Variants in ABCA2 observed in about 807,000 individuals in gnomAD.
The protein encoded by ABCA2 is ATP binding cassette subfamily A member 2, also known as ATP-binding cassette sub-family A member 2.
In ABCA2, 84 loss-of-function variants were observed where a neutral mutation model predicts 262.8. The ratio of observed to expected loss-of-function variants is 0.32; its 90% CI spans 0.27 to 0.38. The LOEUF (loss-of-function observed/expected upper bound fraction) is 0.38, where lower values mean the gene tolerates loss of function less well. ABCA2 is among the 10% of genes least tolerant of loss of function. ABCA2 has a pLI of 1.00. For synonymous variants in ABCA2, 1,696 were observed against 1,502.9 expected (o/e 1.13, Z -2.97); for missense variants, 2,662 against 3,405.9 (o/e 0.78, Z 5.44).
intron 43 of ABCA2, 30 bp from the exon 44 acceptor site, chr9:137,009,674 C>T (rs757797288): frequency 1.2e-6 from 2 of 1,612,394 alleles, no homozygotes; most frequent in South Asian, 2.2e-5. Flanking sequence ...TCAGCTGCTG[C>T]CAGGCCCACA....
intron 41 of ABCA2, 22 bp downstream of exon 41, chr9:137,010,171 C>A: frequency 6.3e-7 from 1 of 1,595,238 alleles, no homozygotes. Flanking sequence ...GCGGCCCCGC[C>A]CACCCAGGGC....
rs143473036 is a variant in ABCA2, at chr9:137,020,766, G to A, written c.1193C>T (p.Thr398Met). The A allele has an allele frequency of 3.3e-5, 52 of 1,596,664 alleles. No individual in the cohort carries two copies. The highest frequency in any genetic ancestry group is 3.0e-4 in the Admixed American group (18 of 59,018). The change falls in exon 9 of 49, where the codon ACG becomes ATG. Residue 398 changes from threonine to methionine, a missense_variant. Transcript: ENST00000341511. ...PSAAALATPD[T>M]LQGQCSAFVQ... ...GAAGGCTGAGCACTGGCCCTGCAGC[G>A]TGTCCGGGGTGGCCAGTGCTGCAGC...
Position 137,025,752 on chromosome 9 carries a change from A to G in ABCA2, c.67-1516T>C, listed in dbSNP as rs547206217. On this transcript the variant is annotated intron_variant, in intron 1 of 48. Transcript: ENST00000341511. ...CAGCCCCGCCCACACCCGGCCTGCT[A>G]TGGGCACTGTAACTGCAGCAACAGG... 9.8e-5 allele frequency among the ~76,000 whole-genome samples: 15 copies of G among 152,334 alleles called. No individual in the cohort carries two copies. The South Asian group carries it at 3.1e-3, about 32-fold the overall frequency.
intron 1 of ABCA2, among the ~76,000 whole-genome samples, chr9:137,027,108 C>T (rs1425088037): frequency 6.6e-6 from 1 of 152,238 alleles, no homozygotes; most frequent in African/African-American, 2.4e-5. Flanking sequence ...AAGAGGATGT[C>T]TGCCTTAGGC....
In ABCA2 at chr9:137,008,806, C is replaced by A. The variant is rs774493213; in HGVS notation, c.6993G>T (p.Val2331=). Residue 2331 remains valine (V), a synonymous_variant, in exon 47 of 49, where the codon GTG becomes GTT. Transcript: ENST00000341511. The stretch of plus-strand genomic sequence containing the variant: ...CAGACACCTGCTCCATCTTGCTGAA[C>A]ACCTGGGCCAGCGAGATGTGCTCCG... ...LKSEHISLAQ[V]FSKMEQVSGV... 3 of 1,604,820 alleles carry A rather than the reference C, an allele frequency of 1.9e-6. No individual in the cohort carries two copies. In the Admixed American group the frequency reaches 5.0e-5, roughly 27 times the overall value.
rs1197689078 is a variant in ABCA2, at chr9:137,011,675, G to A, written c.5610C>T (p.Pro1870=). 8.4e-6 allele frequency: 13 copies of A among 1,555,282 alleles called. No homozygotes were observed. In the Admixed American group the frequency reaches 2.3e-4, roughly 28 times the overall value. The change falls in exon 36 of 49, where the codon CCC becomes CCT. Residue 1870 remains proline (P), a synonymous_variant. Transcript: ENST00000341511. The surrounding 1 kb of genome is among the most constrained non-coding windows in gnomAD (Gnocchi z 8.8). The part of the protein sequence containing the change: ...FVFDLPAYTS[P]TNFPAVLSLF... ...GGGAGAGGACGGCAGGGAAGTTGGT[G>A]GGCGACGTGTAGGCCGGCAGGTCGA...
intron 27 of ABCA2, 48 bp downstream of exon 27, chr9:137,014,120 C>T: frequency 6.3e-7 from 1 of 1,592,104 alleles, no homozygotes; most frequent in Non-Finnish European, 8.5e-7. Flanking sequence ...TCCCCCGCAA[C>T]CCTGCTCCCC....
In ABCA2 at chr9:137,010,087, C is replaced by T. The variant is rs991942934; in HGVS notation, c.6391G>A (p.Gly2131Ser). 2.5e-6 allele frequency: 4 copies of T among 1,598,314 alleles called. No individual in the cohort carries two copies. In the Admixed American group the frequency reaches 6.7e-5, roughly 27 times the overall value. ...KELLQVQQSL[G>S]YCPQCDALFD... ...AGCGCGTCACACTGCGGGCAGTAGC[C>T]GAGGCTCTGCTGCACCTGGAGCAGC... Residue 2131 changes from glycine (G) to serine (S), a missense_variant, in exon 42 of 49, where the codon GGC becomes AGC. Coordinates refer to ENST00000341511, the MANE Select transcript of ABCA2 (RefSeq NM_001606.5).
chr9:137,027,239 C>G (rs1233742456), intron 1 of ABCA2, among the ~76,000 whole-genome samples: 1 of 152,236 alleles, frequency 6.6e-6, no homozygotes, highest in Non-Finnish European at 1.5e-5. Flanking sequence ...AGCTGGCCAG[C>G]TGGGGGTATG....
Position 137,012,296 on chromosome 9 carries a change from C to T in ABCA2, c.5268G>A (p.Leu1756=). Residue 1756 remains leucine (L), a synonymous_variant, in exon 33 of 49, where the codon CTG becomes CTA. Coordinates refer to ENST00000341511, the MANE Select transcript of ABCA2 (RefSeq NM_001606.5). ...SLNNAILRAN[L]PKSKGNPAAY... The stretch of plus-strand genomic sequence containing the variant: ...CCGCCGGGTTGCCCTTGCTCTTGGG[C>T]AGGTTGGCACGCAGGATGGCGTTGT... 7.1e-7 allele frequency: 1 copy of T among 1,411,024 alleles called. No homozygotes were observed. 87.4% of individuals were successfully genotyped at this position (1,411,024 alleles called of 1,614,324 possible).
At chr9:137,018,409 G>T in intron 13 of ABCA2, 58 bp from the exon 14 acceptor site, 1 of 1,303,132 alleles carries the variant, frequency 7.7e-7, no homozygotes, top group Non-Finnish European at 1.0e-6. Flanking sequence ...AGGCGTGGTG[G>T]GGGGGAAAGC....
rs771663493 is a variant in ABCA2, at chr9:137,021,413, G to A, written c.876C>T (p.Asp292=). Residue 292 remains aspartate (D), a synonymous_variant, in exon 8 of 49, where the codon GAC becomes GAT. Coordinates refer to ENST00000341511, the MANE Select transcript of ABCA2 (RefSeq NM_001606.5). This position sits in a 1 kb window ranked among gnomAD's most constrained non-coding sequence, Gnocchi z 6.0. ...GLSAELRNQL[D]VAKVSQQLGL... is the part of the protein sequence containing the mutation. ...TCACCTGCTGGGAGACCTTGGCCAC[G>A]TCCAGCTGGTTCCGGAGCTCAGCAG... The A allele has an allele frequency of 3.5e-5, 57 of 1,609,170 alleles. No homozygotes were observed. Among genetic ancestry groups the A allele is most frequent in the African/African-American group, 5.3e-5 (4 of 74,876 alleles).
At position 137,017,921 on chromosome 9, in the gene ABCA2, A is replaced by C; in HGVS notation, c.2097-20T>G. The C allele has an allele frequency of 6.2e-7, 1 of 1,612,212 alleles. No individual in the cohort carries two copies. Among genetic ancestry groups the C allele is most frequent in the Non-Finnish European group, 8.5e-7 (1 of 1,179,702 alleles). On this transcript the variant is annotated intron_variant, in intron 15 of 48. Transcript: ENST00000341511. ...AGGAAGCTGCGGGGAGGCCGCGCTC[A>C]GGCGCCACTCAGCCCCAGCCCCAGC...
intron 1 of ABCA2, 130 bp from the exon 2 acceptor site, chr9:137,024,366 G>C: frequency 1.4e-6 from 1 of 719,030 alleles, no homozygotes; most frequent in Non-Finnish European, 2.3e-6. Context: ...GTGGGCACAG[G>C]CCCTTCGGAA....
Position 137,016,645 on chromosome 9 carries a change from G to T in ABCA2, c.2852C>A (p.Pro951Gln). The change falls in exon 20 of 49, where the codon CCG (proline) becomes CAG (glutamine). Residue 951 changes from proline (P) to glutamine (Q), a missense_variant. Physicochemically the swap from Pro to Gln is moderately conservative, Grantham distance 76. Transcript: ENST00000341511. ...GRTEAWEWSW[P>Q]WARTPRLSVM... ...ACTGAGGCGGGGGGTGCGTGCCCAC[G>T]GCCAGCTCCACTCCCAGGCTTCTGT... The T allele has an allele frequency of 6.2e-7, 1 of 1,608,964 alleles. No homozygotes were observed.
At chr9:137,009,329 C>CCGGG in intron 45 of ABCA2, 41 bp downstream of exon 45, 25 of 1,049,746 alleles carry the variant, frequency 2.4e-5, no homozygotes, top group Non-Finnish European at 3.2e-5. Flanking sequence ...CCGCCCCCCC[C>CCGGG]GGGCCCGCCC....
rs774012559 is a variant in ABCA2, at chr9:137,017,535, AG to A, written c.2368del (p.Leu790TrpfsTer35). 2 of 1,610,972 alleles carry A rather than the reference AG, an allele frequency of 1.2e-6. No homozygotes were observed. Among genetic ancestry groups the A allele is most frequent in the Non-Finnish European group, 1.7e-6 (2 of 1,178,438 alleles). On this transcript the variant is annotated frameshift_variant, in exon 17 of 49. Coordinates refer to ENST00000341511, the MANE Select transcript of ABCA2 (RefSeq NM_001606.5). LOFTEE classifies it high-confidence loss of function. ...HSHVVIIWLF[L>X]AVYAVATIMF... ...GATGGTGGCCACCGCGTAGACTGCC[AG>A]GAAGAGCCAGATGATGACCACGTGG...
rs760599425 is a variant in ABCA2, at chr9:137,020,330, G to A, written c.1425+6C>T. The A allele has an allele frequency of 1.2e-5, 19 of 1,611,764 alleles. No homozygotes were observed. Among genetic ancestry groups the A allele is most frequent in the Admixed American group, 5.0e-5 (3 of 59,992 alleles). On this transcript the variant is annotated splice_donor_region_variant and intron_variant, in intron 10 of 48. Transcript: ENST00000341511. Reference sequence around the variant, plus strand: ...GTCAAACATGGAGCGTCCCAGACCCGTGCACCTTGAGGATGACGCGGTCGA... The same window carrying A: ...GTCAAACATGGAGCGTCCCAGACCCATGCACCTTGAGGATGACGCGGTCGA...
Position 137,018,249 on chromosome 9 carries a change from C to A in ABCA2, c.1922G>T (p.Arg641Leu), listed in dbSNP as rs753295509. 6.2e-7 allele frequency: 1 copy of A among 1,610,964 alleles called. No homozygotes were observed. Among genetic ancestry groups the A allele is most frequent in the Non-Finnish European group, 8.5e-7 (1 of 1,179,616 alleles). ...ATTGGGCCCAGGCCGCCAGTAGGCG[C>A]GGCGGATCTCGTTGGTTTTCTCGGT... ...SFTEKTNEIR[R>L]AYWRPGPNTG... The change falls in exon 14 of 49, where the codon CGC (arginine) becomes CTC (leucine). Residue 641 changes from arginine (R) to leucine (L), a missense_variant. Arg to Leu is a moderately radical substitution (Grantham distance 102, BLOSUM62 -2). Around this residue, in one of 12 missense-constraint regions of ABCA2, gnomAD observed 187 missense variants for 205.9 expected, o/e 0.91. Transcript: ENST00000341511.
Sources: allele counts gnomAD v4.1 joint callset (sites outside exome capture counted in the v4.1 genomes callset), GRCh38; gene constraint gnomAD v4.1.1; regional missense constraint gnomAD v4.1.1; non-coding constraint Gnocchi (gnomAD v3.1); transcripts MANE v1.5; gene names NCBI Gene and HGNC (gene_info 2026-07-23, HGNC 2026-07-21).